TOR1AIP2: variants seen among roughly 807,000 people sequenced by gnomAD.
TOR1AIP2 encodes the protein torsin 1A interacting protein 2.
In TOR1AIP2, 20 loss-of-function variants were observed where a neutral mutation model predicts 32.6. The observed-to-expected ratio is 0.61, with a 90% CI of 0.43 to 0.89. The LOEUF (loss-of-function observed/expected upper bound fraction) is 0.89. Among genes scored for constraint, TOR1AIP2 ranks in the 40% least tolerant of loss-of-function variants. The pLI is 0.00. For synonymous variants in TOR1AIP2, 214 were observed against 210.8 expected (o/e 1.02, Z -0.13); for missense variants, 456 against 553.8 (o/e 0.82, Z 1.77).
At chr1:179,867,592 C>A (rs1696834906) in intron 2 of TOR1AIP2, 1 of 152,116 alleles carries the variant, frequency 6.6e-6, no homozygotes, top group Non-Finnish European at 1.5e-5. Flanking sequence ...CAAGTAAATG[C>A]AACAAGATAC....
In TOR1AIP2 at chr1:179,865,270, C is replaced by T. The variant is rs1040059112; in HGVS notation, c.-147+166G>A. The stretch of plus-strand genomic sequence containing the variant: ...CAAACACCAGTCCTATTACAGGTTT[C>T]GTTTACCAATTTCTTAGTTCAACCA... On this transcript the variant is annotated intron_variant, in intron 3 of 6. Coordinates refer to ENST00000609928, the MANE Select transcript of TOR1AIP2 (RefSeq NM_001199260.2). 3.7e-5 allele frequency: 54 copies of T among 1,444,680 alleles called. 1 individual carries two copies. The Middle Eastern group carries it at 5.5e-4, about 15-fold the overall frequency. 89.5% of individuals were successfully genotyped at this position (1,444,680 alleles called of 1,614,324 possible). A position where few individuals can be genotyped will look rare whatever the true frequency, so the allele number is the denominator to read the frequency against.
intron 3 of TOR1AIP2, among the ~76,000 whole-genome samples, chr1:179,855,941 G>A (rs112601630): frequency 0.042 from 6,407 of 152,232 alleles, 457 homozygotes; most frequent in African/African-American, 0.14. Context: ...CACTTTCAGA[G>A]GCCAAGGCAG....
intron 3 of TOR1AIP2, chr1:179,863,775 C>A (rs1271229097): frequency 1.0e-6 from 1 of 983,700 alleles, no homozygotes; most frequent in East Asian, 1.1e-4. Flanking sequence ...GCACTAGATA[C>A]CTAGATACCT....
intron 3 of TOR1AIP2, chr1:179,864,429 GCA>G: frequency 1.0e-6 from 1 of 1,004,890 alleles, no homozygotes; most frequent in Non-Finnish European, 1.2e-6. Context: ...CCACTATGAA[GCA>G]CACAGTATAG....
chr1:179,873,894 A>G (rs1697097643), intron 2 of TOR1AIP2: 1 of 152,232 alleles, frequency 6.6e-6, no homozygotes, highest in Admixed American at 6.5e-5. Context: ...TCCTTTCGAC[A>G]AGGTCCCTAA....
intron 3 of TOR1AIP2, chr1:179,860,140 A>G (rs925771916): frequency 1.7e-5 from 17 of 985,300 alleles, no homozygotes; most frequent in African/African-American, 5.2e-5. Context: ...CCACCAGCCA[A>G]TAAGTTTATA....
At position 179,845,800 on chromosome 1, in the gene TOR1AIP2, TA is replaced by T; in HGVS notation, c.*270del. 1.5e-5 allele frequency: 5 copies of T among 336,710 alleles called. No homozygotes were observed. The highest frequency in any genetic ancestry group is 1.7e-3 in the Middle Eastern group (2 of 1,206). The allele number at this position is 336,710 out of a possible 1,614,324, so 20.9% of individuals were successfully genotyped here. ...TGCAATGTTGCTATATTTTAGAATT[TA>T]AAAAAAATTCTCATATATATCATCG... On this transcript the variant is annotated 3_prime_UTR_variant, in exon 7 of 7. Coordinates refer to ENST00000609928, the MANE Select transcript of TOR1AIP2 (RefSeq NM_001199260.2).
chr1:179,856,623 T>C lies in TOR1AIP2; in HGVS notation c.-146-3812A>G, dbSNP rs879338607. 1.0e-3 allele frequency among the ~76,000 whole-genome samples: 118 copies of C among 114,638 alleles called. 1 individual carries two copies. Among genetic ancestry groups the C allele is most frequent in the South Asian group, 3.7e-3 (14 of 3,746 alleles). 75.2% of individuals were successfully genotyped at this position (114,638 alleles called of 152,430 possible). On this transcript the variant is annotated intron_variant, in intron 3 of 6. Coordinates refer to ENST00000609928, the MANE Select transcript of TOR1AIP2 (RefSeq NM_001199260.2). ...CACTGTTTCAGAGGCAGGTCAATCTTTTTTTCCCCCCCAAGATAGAATCTC... is the reference window on the plus strand; with the variant it reads ...CACTGTTTCAGAGGCAGGTCAATCTCTTTTTCCCCCCCAAGATAGAATCTC...
intron 2 of TOR1AIP2, chr1:179,868,838 T>G (rs1052287234): frequency 7.9e-5 from 12 of 152,158 alleles, no homozygotes; most frequent in African/African-American, 2.9e-4. Context: ...AAAATTAATG[T>G]GTTGTTTAGG....
Position 179,845,915 on chromosome 1 carries a change from A to AT in TOR1AIP2, c.*155dup. On this transcript the variant is annotated 3_prime_UTR_variant, in exon 7 of 7. Coordinates refer to ENST00000609928, the MANE Select transcript of TOR1AIP2 (RefSeq NM_001199260.2). ...TTAGATTAGAAAGATTTTACAAGGAATAAAAAATAAAAACTTGTTTCTAAA... is the reference window on the plus strand; with the variant it reads ...TTAGATTAGAAAGATTTTACAAGGAATTAAAAAATAAAAACTTGTTTCTAAA... The AT allele has an allele frequency of 1.4e-6, 1 of 695,740 alleles. No individual in the cohort carries two copies. The highest frequency in any genetic ancestry group is 2.2e-6 in the Non-Finnish European group (1 of 445,480). The allele number at this position is 695,740 out of a possible 1,614,324, so 43.1% of individuals were successfully genotyped here. A position where few individuals can be genotyped will look rare whatever the true frequency, so the allele number is the denominator to read the frequency against.
At chr1:179,865,207 T>C in intron 3 of TOR1AIP2, 4 of 1,563,118 alleles carry the variant, frequency 2.6e-6, no homozygotes, top group Non-Finnish European at 3.5e-6. Flanking sequence ...CAGACAGCAA[T>C]GTGACAGCAA....
intron 5 of TOR1AIP2, among the ~76,000 whole-genome samples, chr1:179,848,896 C>T (rs957868019): frequency 9.9e-5 from 15 of 151,998 alleles, no homozygotes; most frequent in East Asian, 3.9e-4. Flanking sequence ...TTTGGGAGGC[C>T]GAGGCGGGCG....
rs1162691651 is a variant in TOR1AIP2, at chr1:179,864,066, C to A, written c.-147+1370G>T. On this transcript the variant is annotated intron_variant, in intron 3 of 6. Transcript: ENST00000609928. ...GTTGTAAATTCAGTCACCACAAAGA[C>A]AAGACAGTCTTTTGTTTATGTAAAG... is the stretch of plus-strand genomic sequence containing the variant. 4.1e-6 allele frequency: 4 copies of A among 985,242 alleles called. No homozygotes were observed. The East Asian group carries it at 4.5e-4, about 111-fold the overall frequency. The allele number at this position is 985,242 out of a possible 1,614,324, so 61.0% of individuals were successfully genotyped here.
intron 3 of TOR1AIP2, chr1:179,862,417 A>T: frequency 3.0e-6 from 3 of 984,788 alleles, no homozygotes; most frequent in Non-Finnish European, 3.6e-6. Context: ...AGAGTTAGTG[A>T]TAAACTAACT....
intron 3 of TOR1AIP2, chr1:179,862,294 T>A (rs1571683230): frequency 1.0e-6 from 1 of 980,502 alleles, no homozygotes; most frequent in African/African-American, 1.8e-5. Flanking sequence ...TCTCTAATAA[T>A]TAAAAAATTT....
At chr1:179,852,372 A>C (rs988156050) in intron 4 of TOR1AIP2, among the ~76,000 whole-genome samples, 2 of 152,144 alleles carry the variant, frequency 1.3e-5, no homozygotes, top group Admixed American at 6.5e-5. Flanking sequence ...TTTTTTAAAG[A>C]AGCATTGTAT....
intron 3 of TOR1AIP2, chr1:179,859,258 T>C: frequency 1.2e-6 from 1 of 865,218 alleles, no homozygotes; most frequent in Non-Finnish European, 1.4e-6. Context: ...TATTAACTCG[T>C]TTAATCTTCA....
At chr1:179,871,917 T>G (rs545561883) in intron 2 of TOR1AIP2, among the ~76,000 whole-genome samples, 31 of 152,326 alleles carry the variant, frequency 2.0e-4, no homozygotes, top group Admixed American at 5.9e-4. Context: ...AAAATAATTT[T>G]TTGTTGAAAA....
intron 3 of TOR1AIP2, chr1:179,861,862 T>C (rs1696546665): frequency 1.0e-6 from 1 of 952,746 alleles, no homozygotes; most frequent in Non-Finnish European, 1.2e-6. Flanking sequence ...ATATCTTTTA[T>C]GTTGTTTTTT....
Sources: allele counts gnomAD v4.1 joint callset (sites outside exome capture counted in the v4.1 genomes callset), GRCh38; gene constraint gnomAD v4.1.1; transcripts MANE v1.5; gene names NCBI Gene and HGNC (gene_info 2026-07-23, HGNC 2026-07-21).